Variants in CIITA observed in about 807,000 individuals in gnomAD.
CIITA encodes class II major histocompatibility complex transactivator.
CIITA carries 72 observed loss-of-function variants against 115.1 expected under a neutral mutation model. The ratio of observed to expected loss-of-function variants is 0.63; its 90% CI spans 0.52 to 0.76. CIITA has a LOEUF of 0.76. Among genes scored for constraint, CIITA ranks in the 30% least tolerant of loss-of-function variants. The pLI, the probability that CIITA is intolerant of heterozygous loss-of-function variation, is 0.00. For missense variants in CIITA, 1,617 were observed against 1,463.8 expected, an observed-to-expected ratio of 1.10 and a Z score of -1.71; for synonymous variants, 763 against 635.6, an observed-to-expected ratio of 1.20 and a Z score of -3.02.
intron 18 of CIITA, 24 bp downstream of exon 18, chr16:10,922,514 G>T (rs753611538): frequency 1.2e-6 from 2 of 1,612,530 alleles, no homozygotes; most frequent in Non-Finnish European, 8.5e-7. Context: ...ACCCTGGTGG[G>T]TGGAGAACAA....
Position 10,922,472 on chromosome 16 carries a change from C to T in CIITA, c.3299C>T (p.Pro1100Leu). The change falls in exon 18 of 20, where the codon CCT becomes CTT. Residue 1100 changes from proline (P) to leucine (L), a missense_variant. Coordinates refer to ENST00000324288, the MANE Select transcript of CIITA (RefSeq NM_000246.4). ...CTCGCTGCCAGCCTTCGGAGGTGTCCTCATGTGGAGACGCTGGCGTAAGTC... is the reference window on the plus strand; with the variant it reads ...CTCGCTGCCAGCCTTCGGAGGTGTCTTCATGTGGAGACGCTGGCGTAAGTC... Reference protein sequence around the residue: ...QQLAASLRRCPHVETLAMWTP... With the variant: ...QQLAASLRRCLHVETLAMWTP... 6.2e-7 allele frequency: 1 copy of T among 1,614,064 alleles called. No homozygotes were observed. The highest frequency in any genetic ancestry group is 8.5e-7 in the Non-Finnish European group (1 of 1,179,934).
At chr16:10,889,361 C>T (rs925986409) in intron 1 of CIITA, among the ~76,000 whole-genome samples, 7 of 152,058 alleles carry the variant, frequency 4.6e-5, no homozygotes, top group African/African-American at 7.2e-5. Context: ...GCAGCTGTGG[C>T]GTTGTGGGGA....
chr16:10,898,841 C>T, intron 4 of CIITA, 84 bp from the exon 5 acceptor site: 1 of 1,585,400 alleles, frequency 6.3e-7, no homozygotes, highest in South Asian at 1.1e-5. Flanking sequence ...CAGTCAGACC[C>T]CTCTCCCCAA....
chr16:10,936,157 T>A lies in CIITA; in HGVS notation c.*12302T>A, dbSNP rs1455328816. On this transcript the variant is annotated 3_prime_UTR_variant, in exon 20 of 20. Coordinates refer to ENST00000324288, the MANE Select transcript of CIITA (RefSeq NM_000246.4). The stretch of plus-strand genomic sequence containing the variant: ...GGGCGTGTACCACAACACCTCGCTA[T>A]TTTTTTTTTCCTACTTTTTGTAGAG... 6.7e-6 allele frequency: 1 copy of A among 149,874 alleles called. No individual in the cohort carries two copies. The highest frequency in any genetic ancestry group is 6.7e-5 in the Admixed American group (1 of 15,018). The allele number at this position is 149,874 out of a possible 1,614,324, so 9.3% of individuals were successfully genotyped here.
intron 13 of CIITA, among the ~76,000 whole-genome samples, chr16:10,911,329 T>A (rs1183533138): frequency 7.2e-6 from 1 of 138,266 alleles, no homozygotes; most frequent in Non-Finnish European, 1.6e-5. Flanking sequence ...CTTCCCTCCC[T>A]CCCTTCTTCC....
intron 1 of CIITA, among the ~76,000 whole-genome samples, chr16:10,891,108 G>A (rs1206812489): frequency 2.0e-5 from 3 of 152,156 alleles, no homozygotes; most frequent in Admixed American, 1.3e-4. Context: ...TCAATAAGTG[G>A]GGGTGGGCTA....
At position 10,932,027 on chromosome 16, in the gene CIITA, G is replaced by A. The variant is rs77748927; in HGVS notation, c.*8172G>A. 6.6e-6 allele frequency: 1 copy of A among 152,256 alleles called. No homozygotes were observed. The highest frequency in any genetic ancestry group is 1.5e-5 in the Non-Finnish European group (1 of 68,064). 9.4% of individuals were successfully genotyped at this position (152,256 alleles called of 1,614,324 possible). ...GTGTTGTATGAGGTTTGAGGATTTT[G>A]ATCCAAGCTGGTCCCACTCAGTCCA... On this transcript the variant is annotated 3_prime_UTR_variant, in exon 20 of 20. Transcript: ENST00000324288.
chr16:10,922,620 C>G (rs1446457845), intron 18 of CIITA, 130 bp downstream of exon 18: 3 of 886,770 alleles, frequency 3.4e-6, no homozygotes, highest in East Asian at 2.6e-5. Flanking sequence ...GACACTTCCC[C>G]CTCTGGCTTC....
At chr16:10,910,069 C>A in intron 12 of CIITA, 119 bp from the exon 13 acceptor site, 2 of 810,610 alleles carry the variant, frequency 2.5e-6, no homozygotes, top group Non-Finnish European at 4.2e-6. Context: ...CAACAGTTGC[C>A]CCAAGGAAAG....
rs1197683523 is a variant in CIITA at position 10,910,253 on chromosome 16, A to T, written c.2882A>T (p.Glu961Val). ...GCTGTTCGGGACCTAAAGAAACTGG[A>T]GTTTGCGTAAGCAAAGGGGTGGATT... Reference protein sequence around the residue: ...LPAVRDLKKLEFALGPVSGPQ... With the variant: ...LPAVRDLKKLVFALGPVSGPQ... Residue 961 changes from glutamate (E) to valine (V), a missense_variant, in exon 13 of 20, where the codon GAG (glutamate) becomes GTG (valine). Glu to Val is a moderately radical substitution (Grantham distance 121, BLOSUM62 -2). Transcript: ENST00000324288. The T allele has an allele frequency of 6.2e-7, 1 of 1,613,756 alleles. No individual in the cohort carries two copies. The highest frequency in any genetic ancestry group is 1.7e-5 in the Admixed American group (1 of 59,988).
chr16:10,920,931 G>A lies in CIITA; in HGVS notation c.3150-1236G>A, dbSNP rs1043658413. 1.3e-5 allele frequency among the ~76,000 whole-genome samples: 2 copies of A among 151,964 alleles called. No homozygotes were observed. The highest frequency in any genetic ancestry group is 2.9e-5 in the Non-Finnish European group (2 of 67,992). Reference sequence around the variant, plus strand: ...TCGCTCTTGTTGCCAAGGCTGGAGTGCAGTCTCAGTTCACTGCAACTCCGC... The same window carrying A: ...TCGCTCTTGTTGCCAAGGCTGGAGTACAGTCTCAGTTCACTGCAACTCCGC... On this transcript the variant is annotated intron_variant, in intron 16 of 19. Coordinates refer to ENST00000324288, the MANE Select transcript of CIITA (RefSeq NM_000246.4). The surrounding 1 kb of genome is among the most constrained non-coding windows in gnomAD (Gnocchi z 4.5).
At position 10,907,832 on chromosome 16, in the gene CIITA, C is replaced by G. The variant is rs2039282287; in HGVS notation, c.2340C>G (p.Ala780=). Residue 780 remains alanine (A), a synonymous_variant, in exon 11 of 20, where the codon GCC becomes GCG. Coordinates refer to ENST00000324288, the MANE Select transcript of CIITA (RefSeq NM_000246.4). This position sits in a 1 kb window ranked among gnomAD's most constrained non-coding sequence, Gnocchi z 5.0. ...LGALLGPSAA[A]SVDRKQKVLA... The stretch of plus-strand genomic sequence containing the variant: ...CCCTACTCGGGCCATCGGCGGCTGC[C>G]TCGGTGGACAGGAAGCAGAAGGTGC... 1 of 1,613,718 alleles carries G rather than the reference C, an allele frequency of 6.2e-7. No homozygotes were observed. Among genetic ancestry groups the G allele is most frequent in the Non-Finnish European group, 8.5e-7 (1 of 1,179,818 alleles).
chr16:10,904,034 G>A, intron 9 of CIITA, 139 bp downstream of exon 9: 1 of 1,108,584 alleles, frequency 9.0e-7, no homozygotes, highest in Non-Finnish European at 1.3e-6. Context: ...GGGACAGGGA[G>A]GGTCTCCAGG....
At chr16:10,908,933 AG>A (rs1291557818) in intron 11 of CIITA, 95 bp from the exon 12 acceptor site, 2 of 1,569,278 alleles carry the variant, frequency 1.3e-6, no homozygotes, top group Non-Finnish European at 8.7e-7. Flanking sequence ...AAGGAAAGAA[AG>A]TATTTTAATA....
Position 10,904,727 on chromosome 16 carries a change from T to A in CIITA, c.938-17T>A. The A allele has an allele frequency of 6.2e-7, 1 of 1,614,024 alleles. No homozygotes were observed. ...TAACCCTCACCCTAAATCTGGCACC[T>A]GCTTCTCCATCTCCAGAGCACAAGA... On this transcript the variant is annotated splice_polypyrimidine_tract_variant and intron_variant, in intron 9 of 19. Coordinates refer to ENST00000324288, the MANE Select transcript of CIITA (RefSeq NM_000246.4).
At position 10,907,835 on chromosome 16, in the gene CIITA, G is replaced by C. The variant is rs749019138; in HGVS notation, c.2343G>C (p.Ser781=). 1 of 1,613,636 alleles carries C rather than the reference G, an allele frequency of 6.2e-7. No individual in the cohort carries two copies. Among genetic ancestry groups the C allele is most frequent in the Non-Finnish European group, 8.5e-7 (1 of 1,179,782 alleles). The change falls in exon 11 of 20, where the codon TCG becomes TCC. Residue 781 remains serine, a synonymous_variant. Transcript: ENST00000324288. The surrounding 1 kb of genome is among the most constrained non-coding windows in gnomAD (Gnocchi z 5.0). ...TACTCGGGCCATCGGCGGCTGCCTCGGTGGACAGGAAGCAGAAGGTGCTTG... is the reference window on the plus strand; with the variant it reads ...TACTCGGGCCATCGGCGGCTGCCTCCGTGGACAGGAAGCAGAAGGTGCTTG... ...GALLGPSAAA[S]VDRKQKVLAR... is the part of the protein sequence containing the mutation.
intron 13 of CIITA, among the ~76,000 whole-genome samples, chr16:10,913,764 C>T (rs989761109): frequency 6.6e-6 from 1 of 151,690 alleles, no homozygotes; most frequent in Non-Finnish European, 1.5e-5. Context: ...ATAGTGAAAC[C>T]CCATCTCTAC....
In CIITA at chr16:10,933,802, A is replaced by G. The variant is rs1013102302; in HGVS notation, c.*9947A>G. ...TCCTTTCTCCATGTACCAAAAAATC[A>G]ATTAAAGTGGCTAAAGACAGACGTC... On this transcript the variant is annotated 3_prime_UTR_variant, in exon 20 of 20. Coordinates refer to ENST00000324288, the MANE Select transcript of CIITA (RefSeq NM_000246.4). 2 of 152,234 alleles carry G rather than the reference A, an allele frequency of 1.3e-5. No homozygotes were observed. The highest frequency in any genetic ancestry group is 2.4e-5 in the African/African-American group (1 of 41,432). The allele number at this position is 152,234 out of a possible 1,614,324, so 9.4% of individuals were successfully genotyped here. A position where few individuals can be genotyped will look rare whatever the true frequency, so the allele number is the denominator to read the frequency against.
chr16:10,906,775 A>G lies in CIITA; in HGVS notation c.1283A>G (p.Tyr428Cys), dbSNP rs1202753290. The G allele has an allele frequency of 1.2e-6, 2 of 1,611,444 alleles. No homozygotes were observed. The highest frequency in any genetic ancestry group is 8.5e-7 in the Non-Finnish European group (1 of 1,179,966). ...GGCAAAGCTGGTCAGGGCAAGAGCT[A>G]TTGGGCTGGGGCAGTGAGCCGGGCC... is the stretch of plus-strand genomic sequence containing the variant. ...VLGKAGQGKS[Y>C]WAGAVSRAWA... Residue 428 changes from tyrosine (Y) to cysteine (C), a missense_variant, in exon 11 of 20, where the codon TAT becomes TGT. By Grantham distance (194) the Tyr-to-Cys change is radical. Transcript: ENST00000324288.
Sources: gnomAD v4.1 joint callset for allele counts (sites outside exome capture counted in the v4.1 genomes callset) on GRCh38, gnomAD v4.1.1 for gene constraint, Gnocchi (gnomAD v3.1) non-coding constraint, MANE v1.5 for transcripts, NCBI Gene and HGNC (gene_info 2026-07-23, HGNC 2026-07-21) for gene names.